Variants in UBASH3B observed in about 807,000 individuals in gnomAD.
UBASH3B encodes ubiquitin associated and SH3 domain containing B, also known as ubiquitin-associated and SH3 domain-containing protein B.
A neutral mutation model predicts 83.4 loss-of-function variants in UBASH3B; 37 were observed. The ratio of observed to expected loss-of-function variants is 0.44; its 90% CI spans 0.34 to 0.58. UBASH3B has a LOEUF of 0.58. UBASH3B is among the 20% of genes least tolerant of loss of function. The pLI is 0.01. For synonymous variants in UBASH3B, 304 were observed against 318.3 expected (o/e 0.96, Z 0.48); for missense variants, 657 against 827.2 (o/e 0.79, Z 2.52).
chr11:122,741,911 C>A (rs2135960661), intron 1 of UBASH3B, among the ~76,000 whole-genome samples: 1 of 152,312 alleles, frequency 6.6e-6, no homozygotes, highest in Non-Finnish European at 1.5e-5. Context: ...GCAGTCCAAC[C>A]CCGCTAGGAG....
intron 1 of UBASH3B, among the ~76,000 whole-genome samples, chr11:122,657,667 G>GTTA (rs2135886529): frequency 1.3e-5 from 2 of 152,268 alleles, no homozygotes; most frequent in East Asian, 3.9e-4. Flanking sequence ...CCTTGAATTT[G>GTTA]TTATTCTCCA....
intron 1 of UBASH3B, among the ~76,000 whole-genome samples, chr11:122,732,451 C>T (rs1354805465): frequency 6.6e-6 from 1 of 152,140 alleles, no homozygotes; most frequent in Non-Finnish European, 1.5e-5. Flanking sequence ...TGTATGTGGG[C>T]CTCTCTTTAT....
chr11:122,755,082 C>T (rs1402680337), intron 1 of UBASH3B, among the ~76,000 whole-genome samples: 8 of 152,156 alleles, frequency 5.3e-5, no homozygotes, highest in African/African-American at 1.7e-4. Context: ...GTTCCCTCCA[C>T]CATGCAATGG....
intron 1 of UBASH3B, among the ~76,000 whole-genome samples, chr11:122,710,971 G>C (rs992603786): frequency 6.6e-6 from 1 of 152,178 alleles, no homozygotes; most frequent in African/African-American, 2.4e-5. Flanking sequence ...ACAGGCCATA[G>C]AGGAAACATT....
intron 1 of UBASH3B, among the ~76,000 whole-genome samples, chr11:122,774,550 T>C (rs971378110): frequency 5.3e-5 from 8 of 152,156 alleles, no homozygotes; most frequent in Non-Finnish European, 4.4e-5. Context: ...AACCCTGCAA[T>C]TCTCACAGCA....
At chr11:122,711,186 TG>T (rs1230564145) in intron 1 of UBASH3B, among the ~76,000 whole-genome samples, 2 of 152,206 alleles carry the variant, frequency 1.3e-5, no homozygotes, top group African/African-American at 4.8e-5. Context: ...TTATACACTC[TG>T]GCAAGGGAGC....
intron 1 of UBASH3B, among the ~76,000 whole-genome samples, chr11:122,711,698 A>G (rs1864194865): frequency 6.6e-6 from 1 of 152,306 alleles, no homozygotes; most frequent in East Asian, 1.9e-4. Flanking sequence ...GATAGAACCA[A>G]TTTCCTTTAC....
intron 1 of UBASH3B, among the ~76,000 whole-genome samples, chr11:122,764,721 T>TG (rs1172840959): frequency 2.6e-5 from 4 of 152,232 alleles, no homozygotes; most frequent in African/African-American, 9.6e-5. Context: ...TGAGAGGTGC[T>TG]GTAGTACGTG....
At chr11:122,760,516 G>A (rs757888085) in intron 1 of UBASH3B, among the ~76,000 whole-genome samples, 27 of 151,928 alleles carry the variant, frequency 1.8e-4, no homozygotes, top group Admixed American at 9.2e-4. Flanking sequence ...ATGCACCACC[G>A]CACCTGGCTA....
chr11:122,771,302 G>A (rs1052761882), intron 1 of UBASH3B, among the ~76,000 whole-genome samples: 5 of 150,986 alleles, frequency 3.3e-5, no homozygotes, highest in Non-Finnish European at 7.4e-5. Context: ...GCACGACCTC[G>A]GCTCACTGCA....
chr11:122,694,860 C>T (rs1282485599), intron 1 of UBASH3B, among the ~76,000 whole-genome samples: 1 of 151,726 alleles, frequency 6.6e-6, no homozygotes, highest in Admixed American at 6.6e-5. Flanking sequence ...GAACACTTAG[C>T]CTGTGCTTAA....
At chr11:122,664,548 C>T (rs1399990495) in intron 1 of UBASH3B, among the ~76,000 whole-genome samples, 3 of 152,122 alleles carry the variant, frequency 2.0e-5, no homozygotes, top group African/African-American at 7.2e-5. Flanking sequence ...TTCTCTTTTC[C>T]CTGGAGGATG....
In UBASH3B at chr11:122,721,652, C is replaced by A. The variant is rs145308485; in HGVS notation, c.162-54567C>A. ...CAGATGCATTATTTAAAGTTATTTC[C>A]AGTGGTGCGTGGGTGGGAGGTGGGA... On this transcript the variant is annotated intron_variant, in intron 1 of 13. Transcript: ENST00000284273. Among the ~76,000 whole-genome samples the A allele has an allele frequency of 4.8e-4, 73 of 152,292 alleles. No individual in the cohort carries two copies. The East Asian group carries it at 0.012, about 25-fold the overall frequency.
chr11:122,777,228 C>T lies in UBASH3B; in HGVS notation c.402+18C>T. The T allele has an allele frequency of 6.3e-7, 1 of 1,598,208 alleles. No homozygotes were observed. ...TCTTTATGGTGAGCGGCAGCGCCCCCACCCCTGGGAAGCCTGGCTCCTAGG... is the reference window on the plus strand; with the variant it reads ...TCTTTATGGTGAGCGGCAGCGCCCCTACCCCTGGGAAGCCTGGCTCCTAGG... On this transcript the variant is annotated intron_variant, in intron 3 of 13. Transcript: ENST00000284273.
At chr11:122,792,322 T>A (rs1395175771) in intron 6 of UBASH3B, among the ~76,000 whole-genome samples, 1 of 151,022 alleles carries the variant, frequency 6.6e-6, no homozygotes, top group African/African-American at 2.4e-5. Context: ...CTTTTTTTTT[T>A]TTTTAATTTT....
intron 1 of UBASH3B, among the ~76,000 whole-genome samples, chr11:122,705,715 G>A (rs1348661163): frequency 6.6e-6 from 1 of 152,118 alleles, no homozygotes; most frequent in Non-Finnish European, 1.5e-5. Flanking sequence ...CAACTCATGG[G>A]GGCATCCACT....
In UBASH3B at chr11:122,812,113, G is replaced by A. The variant is rs1366327788; in HGVS notation, c.*2227G>A. 1 of 152,202 alleles carries A rather than the reference G, an allele frequency of 6.6e-6. No homozygotes were observed. The highest frequency in any genetic ancestry group is 1.5e-5 in the Non-Finnish European group (1 of 68,036). 9.4% of individuals were successfully genotyped at this position (152,202 alleles called of 1,614,324 possible). On this transcript the variant is annotated 3_prime_UTR_variant, in exon 14 of 14. Transcript: ENST00000284273. ...CTGTCTGACTGGGCTACAATCCATT[G>A]TTCTTAGTCCAATATGGACACTGCC...
At chr11:122,753,971 C>T (rs1382774614) in intron 1 of UBASH3B, among the ~76,000 whole-genome samples, 1 of 152,088 alleles carries the variant, frequency 6.6e-6, no homozygotes, top group Non-Finnish European at 1.5e-5. Context: ...GATGTCCAGC[C>T]GAATGTTCTG....
In UBASH3B at chr11:122,776,292, A is replaced by G; in HGVS notation, c.215+20A>G. On this transcript the variant is annotated intron_variant, in intron 2 of 13. Transcript: ENST00000284273. ...TGACTGGTTGGTATGAGATAAATAAATTGAGAAAATAGCATATAATTAACT... is the reference window on the plus strand; with the variant it reads ...TGACTGGTTGGTATGAGATAAATAAGTTGAGAAAATAGCATATAATTAACT... 1 of 1,596,822 alleles carries G rather than the reference A, an allele frequency of 6.3e-7. No individual in the cohort carries two copies. The highest frequency in any genetic ancestry group is 8.5e-7 in the Non-Finnish European group (1 of 1,172,606).
Sources: gnomAD v4.1 joint callset for allele counts (sites outside exome capture counted in the v4.1 genomes callset) on GRCh38, gnomAD v4.1.1 for gene constraint, MANE v1.5 for transcripts, NCBI Gene and HGNC (gene_info 2026-07-23, HGNC 2026-07-21) for gene names.